Variants in ZNRF2 observed in about 807,000 individuals in gnomAD.
The protein encoded by ZNRF2 is zinc and ring finger 2, also known as E3 ubiquitin-protein ligase ZNRF2.
ZNRF2 carries 16 observed loss-of-function variants against 20.4 expected under a neutral mutation model. That is an observed-to-expected ratio of 0.79 (90% CI 0.53 to 1.19). The LOEUF is 1.19. ZNRF2 is among the 50% of genes most tolerant of loss of function. The pLI is 0.00. For missense variants in ZNRF2, 363 were observed against 332.4 expected (o/e 1.09, Z -0.72); for synonymous variants, 178 against 144.9 (o/e 1.23, Z -1.64).
At chr7:30,316,416 T>C (rs1799378268) in intron 1 of ZNRF2, among the ~76,000 whole-genome samples, 2 of 151,932 alleles carry the variant, frequency 1.3e-5, no homozygotes, top group South Asian at 4.2e-4. Flanking sequence ...CAAGAATGTC[T>C]GTTATACAAA....
intron 1 of ZNRF2, among the ~76,000 whole-genome samples, chr7:30,314,454 G>T (rs1412038914): frequency 1.3e-5 from 2 of 152,100 alleles, no homozygotes; most frequent in Non-Finnish European, 2.9e-5. Flanking sequence ...TATTTAAAAT[G>T]ATCTAGACAG....
intron 2 of ZNRF2, among the ~76,000 whole-genome samples, chr7:30,334,896 T>G (rs1799693222): frequency 6.6e-6 from 1 of 151,640 alleles, no homozygotes; most frequent in South Asian, 2.1e-4. Context: ...TAGCAGAAAT[T>G]AATCTTTTTA....
Position 30,285,466 on chromosome 7 carries a change from G to T in ZNRF2, c.109G>T (p.Gly37Cys). The change falls in exon 1 of 5, where the codon GGC becomes TGC. Residue 37 changes from glycine to cysteine, a missense_variant. Transcript: ENST00000323037. ...CGGAGGCGCCAATGGGACCGCGGGC[G>T]GCGGCGGGGGCGCTCGGGCCGCCGC... ...SSGGANGTAGGGGGARAAAAG... is the reference protein window; with the variant it reads ...SSGGANGTAGCGGGARAAAAG... 8.9e-7 allele frequency: 1 copy of T among 1,120,582 alleles called. No homozygotes were observed. The highest frequency in any genetic ancestry group is 2.4e-5 in the South Asian group (1 of 41,612). 69.4% of individuals were successfully genotyped at this position (1,120,582 alleles called of 1,614,324 possible).
At chr7:30,304,470 T>A (rs1799169466) in intron 1 of ZNRF2, among the ~76,000 whole-genome samples, 1 of 152,202 alleles carries the variant, frequency 6.6e-6, no homozygotes, top group African/African-American at 2.4e-5. Context: ...TTGTAAATGA[T>A]ATTAGTGTAA....
chr7:30,324,548 C>CA (rs528855129), intron 2 of ZNRF2, among the ~76,000 whole-genome samples: 193 of 96,534 alleles, frequency 2.0e-3, no homozygotes, highest in Middle Eastern at 0.017. Flanking sequence ...GACTCTGTCT[C>CA]AAAAAAAAAA....
chr7:30,285,097 G>A lies in ZNRF2; in HGVS notation c.-261G>A, dbSNP rs1310321264. 2.4e-6 allele frequency: 1 copy of A among 416,150 alleles called. No homozygotes were observed. The highest frequency in any genetic ancestry group is 2.7e-5 in the Admixed American group (1 of 36,980). The allele number at this position is 416,150 out of a possible 1,614,324, so 25.8% of individuals were successfully genotyped here. ...CCCTTCCTGCTGGAGCCAGCGAGGG[G>A]TGCCTGCAGCCGGGACCCCTTCCTC... On this transcript the variant is annotated 5_prime_UTR_variant, in exon 1 of 5. In the 5' UTR this introduces an upstream ATG that the reference lacks. Coordinates refer to ENST00000323037, the MANE Select transcript of ZNRF2 (RefSeq NM_147128.4).
intron 1 of ZNRF2, among the ~76,000 whole-genome samples, chr7:30,297,494 C>T (rs1351803562): frequency 1.3e-5 from 2 of 152,134 alleles, no homozygotes; most frequent in Non-Finnish European, 2.9e-5. Flanking sequence ...TTTCTGCCCT[C>T]ATTTTTGATT....
chr7:30,306,761 T>C (rs1049307860), intron 1 of ZNRF2, among the ~76,000 whole-genome samples: 3 of 152,102 alleles, frequency 2.0e-5, no homozygotes, highest in Non-Finnish European at 4.4e-5. Flanking sequence ...TTACAGACTT[T>C]CTTTGCCTTC....
At chr7:30,295,525 C>T (rs898059501) in intron 1 of ZNRF2, among the ~76,000 whole-genome samples, 2 of 152,112 alleles carry the variant, frequency 1.3e-5, no homozygotes, top group African/African-American at 4.8e-5. Context: ...GCCTGGGCAA[C>T]ATGGTGAAAC....
chr7:30,365,568 A>AT (rs1178496871), intron 4 of ZNRF2, among the ~76,000 whole-genome samples: 1 of 152,126 alleles, frequency 6.6e-6, no homozygotes, highest in Non-Finnish European at 1.5e-5. Context: ...TTATCAAGTG[A>AT]TAAATTCTTG....
intron 2 of ZNRF2, among the ~76,000 whole-genome samples, chr7:30,349,841 C>T (rs1799937371): frequency 6.6e-6 from 1 of 151,990 alleles, no homozygotes; most frequent in South Asian, 2.1e-4. Context: ...TCAATAGTTC[C>T]ATTTTTTTTC....
intron 2 of ZNRF2, among the ~76,000 whole-genome samples, chr7:30,353,558 T>C (rs1282877711): frequency 6.6e-6 from 1 of 152,132 alleles, no homozygotes; most frequent in Non-Finnish European, 1.5e-5. Flanking sequence ...AGCATTGTGT[T>C]CTTAAAATAT....
At chr7:30,328,804 C>T (rs1055206790) in intron 2 of ZNRF2, among the ~76,000 whole-genome samples, 1 of 152,058 alleles carries the variant, frequency 6.6e-6, no homozygotes, top group Non-Finnish European at 1.5e-5. Flanking sequence ...GGCAGAGATC[C>T]CAATGGGACG....
At chr7:30,308,986 A>G (rs921829749) in intron 1 of ZNRF2, among the ~76,000 whole-genome samples, 5 of 152,110 alleles carry the variant, frequency 3.3e-5, no homozygotes, top group African/African-American at 1.2e-4. Flanking sequence ...GGCTTCATTT[A>G]TCTCTTTTCT....
In ZNRF2 at chr7:30,355,846, A is replaced by G. The variant is rs1169654089; in HGVS notation, c.671+13A>G. On this transcript the variant is annotated intron_variant, in intron 3 of 4. Coordinates refer to ENST00000323037, the MANE Select transcript of ZNRF2 (RefSeq NM_147128.4). ...TATATCATAAAGGGTAAGTTCACCA[A>G]GTTGGTATTAGAGTAAAAGATTGTT... is the stretch of plus-strand genomic sequence containing the variant. 1 of 1,583,592 alleles carries G rather than the reference A, an allele frequency of 6.3e-7. No homozygotes were observed. Among genetic ancestry groups the G allele is most frequent in the Non-Finnish European group, 8.7e-7 (1 of 1,153,732 alleles).
chr7:30,307,973 A>G (rs1478914472), intron 1 of ZNRF2, among the ~76,000 whole-genome samples: 2 of 152,108 alleles, frequency 1.3e-5, no homozygotes, highest in Non-Finnish European at 1.5e-5. Flanking sequence ...ATGAATACCA[A>G]TGCACCTGTC....
intron 1 of ZNRF2, among the ~76,000 whole-genome samples, chr7:30,311,547 G>A (rs1048623946): frequency 1.3e-5 from 2 of 152,166 alleles, no homozygotes; most frequent in Admixed American, 6.5e-5. Context: ...GGGAAAGAAA[G>A]TTAATGACTT....
intron 3 of ZNRF2, among the ~76,000 whole-genome samples, chr7:30,359,480 A>G (rs926132472): frequency 1.3e-5 from 2 of 152,204 alleles, no homozygotes; most frequent in Non-Finnish European, 1.5e-5. Context: ...CAATATAATA[A>G]CAGGATCTTA....
intron 1 of ZNRF2, among the ~76,000 whole-genome samples, chr7:30,293,747 A>T (rs1442328743): frequency 1.3e-5 from 2 of 152,184 alleles, no homozygotes; most frequent in Non-Finnish European, 2.9e-5. Context: ...TGGTGGATAT[A>T]TTTCGAGTAA....
Sources: gnomAD v4.1 joint callset for allele counts (sites outside exome capture counted in the v4.1 genomes callset) on GRCh38, gnomAD v4.1.1 for gene constraint, MANE v1.5 for transcripts, NCBI Gene and HGNC (gene_info 2026-07-23, HGNC 2026-07-21) for gene names.